DOCK4: variants seen among roughly 807,000 people sequenced by gnomAD.
DOCK4 encodes dedicator of cytokinesis 4.
In DOCK4, 97 loss-of-function variants were observed where a neutral mutation model predicts 268.1. That is an observed-to-expected ratio of 0.36 (90% CI 0.31 to 0.43). The LOEUF (loss-of-function observed/expected upper bound fraction) is 0.43. Ranked by LOEUF, DOCK4 falls within the 20% of genes least tolerant of loss-of-function variation. The pLI is 1.00. For synonymous variants in DOCK4, 954 were observed against 887.2 expected, an observed-to-expected ratio of 1.08 and a Z score of -1.34; for missense variants, 2,145 against 2,455.7, an observed-to-expected ratio of 0.87 and a Z score of 2.67.
intron 29 of DOCK4, 42 bp from the exon 30 acceptor site, chr7:111,808,921 G>A (rs778703176): frequency 1.2e-5 from 19 of 1,585,188 alleles, no homozygotes; most frequent in Non-Finnish European, 1.6e-5. Context: ...AATGCCTCCA[G>A]AACAAGGAAG....
chr7:112,176,680 C>G (rs1285274966), intron 1 of DOCK4, among the ~76,000 whole-genome samples: 2 of 152,174 alleles, frequency 1.3e-5, no homozygotes, highest in Admixed American at 6.5e-5. Context: ...TCTTCTAACA[C>G]CAAGTCCTAC....
chr7:111,820,606 T>C (rs1801900456), intron 27 of DOCK4: 1 of 152,168 alleles, frequency 6.6e-6, no homozygotes, highest in East Asian at 1.9e-4. Flanking sequence ...GAAGTAACGA[T>C]GGGGCAGAGA....
At chr7:112,126,855 A>G (rs973477429) in intron 1 of DOCK4, among the ~76,000 whole-genome samples, 23 of 152,254 alleles carry the variant, frequency 1.5e-4, no homozygotes, top group African/African-American at 5.3e-4. Flanking sequence ...CAAAACCACA[A>G]TGAGATACCA....
intron 12 of DOCK4, among the ~76,000 whole-genome samples, chr7:111,930,364 T>C (rs1586407084): frequency 6.6e-6 from 1 of 152,330 alleles, no homozygotes; most frequent in Admixed American, 6.5e-5. Context: ...GGTGAATCCC[T>C]TTATCTATTA....
chr7:111,995,957 C>T (rs995200361), intron 4 of DOCK4, among the ~76,000 whole-genome samples: 2 of 152,106 alleles, frequency 1.3e-5, no homozygotes, highest in African/African-American at 2.4e-5. Context: ...CTGTATATGA[C>T]ATTTTTAAAT....
At chr7:112,194,055 C>T (rs1820206834) in intron 1 of DOCK4, among the ~76,000 whole-genome samples, 1 of 152,082 alleles carries the variant, frequency 6.6e-6, no homozygotes, top group Non-Finnish European at 1.5e-5. Context: ...CTCCTTACTC[C>T]ATATATATCC....
chr7:112,103,808 G>A lies in DOCK4; in HGVS notation c.38-99677C>T, dbSNP rs1810900163. ...GAGGCACGAGAATTGCTTGAGCCTG[G>A]GAGGCGAAGGTTGCAGTGAGCTGAG... On this transcript the variant is annotated intron_variant, in intron 1 of 52. Coordinates refer to ENST00000428084, the MANE Select transcript of DOCK4 (RefSeq NM_001363540.2). Among the ~76,000 whole-genome samples the A allele has an allele frequency of 3.9e-5, 6 of 152,124 alleles. No homozygotes were observed. In the South Asian group the frequency reaches 1.2e-3, roughly 31 times the overall value.
At chr7:112,043,870 C>T (rs1157187777) in intron 1 of DOCK4, among the ~76,000 whole-genome samples, 1 of 151,930 alleles carries the variant, frequency 6.6e-6, no homozygotes, top group East Asian at 1.9e-4. Flanking sequence ...TATTATTTTG[C>T]ATCTGAGGTA....
chr7:112,170,622 A>C (rs945053005), intron 1 of DOCK4, among the ~76,000 whole-genome samples: 4 of 152,218 alleles, frequency 2.6e-5, no homozygotes, highest in African/African-American at 4.8e-5. Flanking sequence ...TATATTCAGA[A>C]TACTCTAAGA....
At chr7:111,819,308 A>G (rs1381417443) in intron 27 of DOCK4, 1 of 152,132 alleles carries the variant, frequency 6.6e-6, no homozygotes, top group Non-Finnish European at 1.5e-5. Context: ...GGGTGGAGAG[A>G]AGCTTGTCTC....
chr7:112,133,142 ATC>A (rs374207642), intron 1 of DOCK4, among the ~76,000 whole-genome samples: 7 of 152,258 alleles, frequency 4.6e-5, no homozygotes, highest in African/African-American at 1.7e-4. Context: ...GTCATACCGC[ATC>A]TCTCTAGTGT....
chr7:112,185,847 G>T (rs995600922), intron 1 of DOCK4, among the ~76,000 whole-genome samples: 1 of 152,182 alleles, frequency 6.6e-6, no homozygotes, highest in Non-Finnish European at 1.5e-5. Flanking sequence ...GTCTTTTATA[G>T]ATCAGCTGGC....
At chr7:112,023,268 A>T (rs1176840364) in intron 1 of DOCK4, among the ~76,000 whole-genome samples, 1 of 152,146 alleles carries the variant, frequency 6.6e-6, no homozygotes, top group Non-Finnish European at 1.5e-5. Flanking sequence ...TGATTTCCAG[A>T]GTTGCTCTAC....
intron 1 of DOCK4, among the ~76,000 whole-genome samples, chr7:112,121,379 G>T (rs1345367185): frequency 2.6e-5 from 4 of 152,178 alleles, no homozygotes; most frequent in African/African-American, 9.7e-5. Flanking sequence ...GTGTTCTGCG[G>T]AGCACAGGCT....
chr7:112,027,057 G>A (rs553261068), intron 1 of DOCK4, among the ~76,000 whole-genome samples: 1 of 152,194 alleles, frequency 6.6e-6, no homozygotes, highest in East Asian at 1.9e-4. Flanking sequence ...TTTATCATTT[G>A]GGACAACTAT....
chr7:111,865,092 C>A (rs1805861975), intron 22 of DOCK4, among the ~76,000 whole-genome samples: 1 of 152,194 alleles, frequency 6.6e-6, no homozygotes, highest in African/African-American at 2.4e-5. Context: ...TTCCTAGTAG[C>A]CAGGACACAC....
chr7:112,031,851 C>G (rs1166411256), intron 1 of DOCK4, among the ~76,000 whole-genome samples: 1 of 152,158 alleles, frequency 6.6e-6, no homozygotes, highest in Non-Finnish European at 1.5e-5. Flanking sequence ...AAAAGTGTCT[C>G]CTGATGAAAT....
chr7:112,175,560 G>A (rs780601885), intron 1 of DOCK4, among the ~76,000 whole-genome samples: 1 of 151,924 alleles, frequency 6.6e-6, no homozygotes, highest in African/African-American at 2.4e-5. Context: ...GTATATAAAT[G>A]TGAAGGTTTA....
chr7:111,922,940 T>C (rs1793277242), intron 12 of DOCK4, among the ~76,000 whole-genome samples: 1 of 152,214 alleles, frequency 6.6e-6, no homozygotes, highest in Non-Finnish European at 1.5e-5. Flanking sequence ...TGAATGTGAA[T>C]GTAAAATCTC....
Sources: gnomAD v4.1 joint callset for allele counts (sites outside exome capture counted in the v4.1 genomes callset) on GRCh38, gnomAD v4.1.1 for gene constraint, MANE v1.5 for transcripts, NCBI Gene and HGNC (gene_info 2026-07-23, HGNC 2026-07-21) for gene names.